Variants in MEI4 observed in about 807,000 individuals in gnomAD.
MEI4 encodes the protein meiosis-specific protein MEI4.
A neutral mutation model predicts 31.4 loss-of-function variants in MEI4; 27 were observed. That is an observed-to-expected ratio of 0.86 (90% CI 0.63 to 1.19). The LOEUF (loss-of-function observed/expected upper bound fraction) is 1.19. MEI4 is among the 50% of genes most tolerant of loss of function. The pLI, the probability that MEI4 is intolerant of heterozygous loss-of-function variation, is 0.00. For synonymous variants in MEI4, 122 were observed against 145.4 expected (o/e 0.84, Z 1.16); for missense variants, 329 against 398.9 (o/e 0.82, Z 1.49).
At chr6:77,705,415 G>C (rs551659324) in intron 2 of MEI4, among the ~76,000 whole-genome samples, 4 of 152,094 alleles carry the variant, frequency 2.6e-5, no homozygotes, top group Non-Finnish European at 5.9e-5. Context: ...AAATTTACTC[G>C]TAAATAAAGT....
At chr6:77,650,496 C>T (rs1195690693), upstream of MEI4, among the ~76,000 whole-genome samples, 1 of 152,204 alleles carries the variant, frequency 6.6e-6, no homozygotes, top group African/African-American at 2.4e-5. Context: ...GAACCCCGCC[C>T]CTGGGGATGG....
intron 4 of MEI4, among the ~76,000 whole-genome samples, chr6:77,883,060 G>A (rs893964086): frequency 2.0e-5 from 3 of 151,832 alleles, no homozygotes; most frequent in African/African-American, 7.3e-5. Context: ...TACAAGTATC[G>A]GTTAAGTAAA....
At chr6:77,650,600 G>A (rs1768282689), upstream of MEI4, among the ~76,000 whole-genome samples, 1 of 152,208 alleles carries the variant, frequency 6.6e-6, no homozygotes, top group Non-Finnish European at 1.5e-5. Flanking sequence ...GCCCTGCACA[G>A]CTTTCCAGGA....
At chr6:77,852,637 C>T (rs1218827969) in intron 4 of MEI4, among the ~76,000 whole-genome samples, 1 of 147,462 alleles carries the variant, frequency 6.8e-6, no homozygotes, top group African/African-American at 2.5e-5. Flanking sequence ...AAGATTAAGG[C>T]ATTGGCAGCT....
intron 1 of MEI4, among the ~76,000 whole-genome samples, chr6:77,681,053 G>A (rs1396045581): frequency 6.6e-6 from 1 of 151,612 alleles, no homozygotes; most frequent in East Asian, 1.9e-4. Context: ...CTTTTCCACA[G>A]GACTCTGTAC....
Position 77,797,110 on chromosome 6 carries a change from A to G in MEI4, c.769-31821A>G, listed in dbSNP as rs1286449861. 6.6e-5 allele frequency among the ~76,000 whole-genome samples: 10 copies of G among 152,238 alleles called. 1 individual carries two copies. The highest frequency in any genetic ancestry group is 6.5e-4 in the Admixed American group (10 of 15,274). ...GGTTAAAGGATAGTCTCTTTAATAA[A>G]CGGTGTTGGGAAAATTGGATATCCA... On this transcript the variant is annotated intron_variant, in intron 3 of 4. Transcript: ENST00000684080.
intron 1 of MEI4, among the ~76,000 whole-genome samples, chr6:77,659,177 G>A (rs1182813157): frequency 2.6e-5 from 4 of 152,158 alleles, no homozygotes; most frequent in Non-Finnish European, 1.5e-5. Flanking sequence ...GAGGCAGAAA[G>A]TCCTAAACCG....
In MEI4 at chr6:77,768,241, A is replaced by T. The variant is rs1362812422; in HGVS notation, c.768+6576A>T. 2.6e-5 allele frequency among the ~76,000 whole-genome samples: 4 copies of T among 152,280 alleles called. No homozygotes were observed. In the South Asian group the frequency reaches 6.2e-4, roughly 24 times the overall value. On this transcript the variant is annotated intron_variant, in intron 3 of 4. Transcript: ENST00000684080. ...CCATCACTAATTTTTACAGTTTTCT[A>T]GATTTTTTTTTCCTAAGTGCAAAGG...
rs113835510 is a variant in MEI4, at chr6:77,700,620, A to G, written c.232+9717A>G. Among the ~76,000 whole-genome samples, 248 of 152,184 alleles carry G rather than the reference A, an allele frequency of 1.6e-3. 2 individuals carry two copies. The highest frequency in any genetic ancestry group is 5.6e-3 in the African/African-American group (232 of 41,528). On this transcript the variant is annotated intron_variant, in intron 2 of 4. Coordinates refer to ENST00000684080, the MANE Select transcript of MEI4 (RefSeq NM_001322247.2). ...CACTGTCCTGCACTGACTGTCTGGC[A>G]CTCCCTAGTGGGATGAACCTGGTAC...
chr6:77,857,268 A>T (rs879544140), intron 4 of MEI4, among the ~76,000 whole-genome samples: 4 of 152,198 alleles, frequency 2.6e-5, no homozygotes, highest in Non-Finnish European at 5.9e-5. Flanking sequence ...AGAATGTTTT[A>T]AAAATATGGA....
chr6:77,735,186 G>A (rs1767150377), intron 2 of MEI4, among the ~76,000 whole-genome samples: 1 of 152,104 alleles, frequency 6.6e-6, no homozygotes. Context: ...GGCCTGCCTT[G>A]CTAGATTGGG....
chr6:77,820,268 A>G lies in MEI4; in HGVS notation c.769-8663A>G, dbSNP rs940431484. Among the ~76,000 whole-genome samples, 1 of 151,364 alleles carries G rather than the reference A, an allele frequency of 6.6e-6. No homozygotes were observed. The highest frequency in any genetic ancestry group is 1.5e-5 in the Non-Finnish European group (1 of 67,986). ...TTTTTGTTTTTGTTTTTGTTTTTGG[A>G]GATGGAGTCTCACTCTGTTGCCCAG... On this transcript the variant is annotated intron_variant, in intron 3 of 4. Coordinates refer to ENST00000684080, the MANE Select transcript of MEI4 (RefSeq NM_001322247.2). This position sits in a 1 kb window ranked among gnomAD's most constrained non-coding sequence, Gnocchi z 4.5.
In MEI4 at chr6:77,730,712, G is replaced by A. The variant is rs189678369; in HGVS notation, c.233-30418G>A. Among the ~76,000 whole-genome samples, 1,211 of 151,858 alleles carry A rather than the reference G, an allele frequency of 8.0e-3. 14 individuals carry two copies. Among genetic ancestry groups the A allele is most frequent in the African/African-American group, 0.027 (1,106 of 41,396 alleles). On this transcript the variant is annotated intron_variant, in intron 2 of 4. Coordinates refer to ENST00000684080, the MANE Select transcript of MEI4 (RefSeq NM_001322247.2). ...TACATATGTATACATGTGCCATGCT[G>A]GTGCGCTGCACCCACTAACTCGTCA... is the stretch of plus-strand genomic sequence containing the variant.
intron 2 of MEI4, among the ~76,000 whole-genome samples, chr6:77,758,793 T>A (rs1767973173): frequency 6.6e-6 from 1 of 152,226 alleles, no homozygotes; most frequent in East Asian, 1.9e-4. Flanking sequence ...TGTGTTTTTT[T>A]ATTTGTTTTT....
At chr6:77,898,125 G>A (rs1273145395) in intron 4 of MEI4, among the ~76,000 whole-genome samples, 2 of 151,896 alleles carry the variant, frequency 1.3e-5, no homozygotes, top group African/African-American at 4.8e-5. Flanking sequence ...ACTGCATTGG[G>A]CTCCTAGCTA....
At chr6:77,817,562 A>C (rs2127707078) in intron 3 of MEI4, among the ~76,000 whole-genome samples, 1 of 152,226 alleles carries the variant, frequency 6.6e-6, no homozygotes, top group Non-Finnish European at 1.5e-5. Flanking sequence ...ACAAAGTGAT[A>C]ATTAATTTAG....
intron 2 of MEI4, among the ~76,000 whole-genome samples, chr6:77,706,111 A>G (rs1200299089): frequency 2.0e-5 from 3 of 152,150 alleles, no homozygotes; most frequent in Non-Finnish European, 2.9e-5. Flanking sequence ...AGAAACTAGA[A>G]TTATTTTTCC....
chr6:77,822,068 G>A (rs1234029214), intron 3 of MEI4, among the ~76,000 whole-genome samples: 1 of 152,002 alleles, frequency 6.6e-6, no homozygotes, highest in African/African-American at 2.4e-5. Context: ...TGTTATATCT[G>A]TTTATATTTT....
At chr6:77,857,653 A>G (rs1260429853) in intron 4 of MEI4, among the ~76,000 whole-genome samples, 1 of 152,180 alleles carries the variant, frequency 6.6e-6, no homozygotes, top group Admixed American at 6.5e-5. Context: ...CACTTTGACC[A>G]CATTATCCAT....
Sources: allele counts gnomAD v4.1 joint callset (sites outside exome capture counted in the v4.1 genomes callset), GRCh38; gene constraint gnomAD v4.1.1; non-coding constraint Gnocchi (gnomAD v3.1); transcripts MANE v1.5; gene names NCBI Gene and HGNC (gene_info 2026-07-23, HGNC 2026-07-21).